SPIDR: variants seen among roughly 807,000 people sequenced by gnomAD.
The protein encoded by SPIDR is DNA repair-scaffolding protein.
Under a neutral mutation model 104.6 loss-of-function variants are expected in SPIDR, and 93 were observed. The observed-to-expected ratio is 0.89, with a 90% CI of 0.75 to 1.06. The LOEUF is 1.06. Among genes scored for constraint, SPIDR ranks in the 50% least tolerant of loss-of-function variants. The pLI, the probability that SPIDR is intolerant of heterozygous loss-of-function variation, is 0.00. For missense variants in SPIDR, 1,154 were observed against 1,111.2 expected (o/e 1.04, Z -0.55); for synonymous variants, 431 against 416.9 (o/e 1.03, Z -0.41).
intron 2 of SPIDR, among the ~76,000 whole-genome samples, chr8:47,280,944 A>G (rs1480265158): frequency 6.6e-6 from 1 of 151,992 alleles, no homozygotes; most frequent in Non-Finnish European, 1.5e-5. Flanking sequence ...TGAGCATACT[A>G]CTCTTCACAA....
chr8:47,730,781 CCT>C (rs1168880968), intron 19 of SPIDR, among the ~76,000 whole-genome samples: 1 of 152,196 alleles, frequency 6.6e-6, no homozygotes, highest in Non-Finnish European at 1.5e-5. Context: ...CCCCTGCCAC[CCT>C]CTCACCCACT....
In SPIDR at chr8:47,440,341, T is replaced by C. The variant is rs1238423879; in HGVS notation, c.896T>C (p.Leu299Ser). The C allele has an allele frequency of 1.2e-6, 2 of 1,614,088 alleles. No individual in the cohort carries two copies. Among genetic ancestry groups the C allele is most frequent in the Non-Finnish European group, 1.7e-6 (2 of 1,180,028 alleles). The change falls in exon 8 of 20, where the codon TTA becomes TCA. Residue 299 changes from leucine (L) to serine (S), a missense_variant. Coordinates refer to ENST00000297423, the MANE Select transcript of SPIDR (RefSeq NM_001080394.4). ...KTLSGRKSGV[L>S]TVKILELHEE... The stretch of plus-strand genomic sequence containing the variant: ...CTTCTAGGTAGAAAATCTGGTGTAT[T>C]AACTGTGAAAATTTTAGAGCTGCAT...
intron 8 of SPIDR, among the ~76,000 whole-genome samples, chr8:47,579,741 C>A (rs1261434031): frequency 6.6e-6 from 1 of 152,122 alleles, no homozygotes; most frequent in African/African-American, 2.4e-5. Context: ...AACCCAATTT[C>A]ATGCCTTCAT....
At chr8:47,371,200 G>T (rs929364197) in intron 5 of SPIDR, among the ~76,000 whole-genome samples, 2 of 148,254 alleles carry the variant, frequency 1.3e-5, no homozygotes, top group African/African-American at 5.0e-5. Context: ...TGAAACTGTT[G>T]TTTCAATTAC....
At chr8:47,396,773 C>G in intron 6 of SPIDR, 147 bp downstream of exon 6, 1 of 838,450 alleles carries the variant, frequency 1.2e-6, no homozygotes, top group South Asian at 1.9e-5. Context: ...AGTTGAGGGT[C>G]ATGGCTTTAC....
intron 5 of SPIDR, among the ~76,000 whole-genome samples, chr8:47,353,100 A>G (rs1272108728): frequency 2.6e-5 from 4 of 151,916 alleles, no homozygotes; most frequent in African/African-American, 7.3e-5. Context: ...ATATGATACA[A>G]TTTTGTTCAA....
intron 8 of SPIDR, among the ~76,000 whole-genome samples, chr8:47,469,121 G>A (rs1379704862): frequency 6.6e-6 from 1 of 152,184 alleles, no homozygotes; most frequent in Non-Finnish European, 1.5e-5. Flanking sequence ...TTAGAGAAAT[G>A]CAAATCAGAA....
chr8:47,660,742 G>T (rs2073976476), intron 10 of SPIDR, among the ~76,000 whole-genome samples: 1 of 152,172 alleles, frequency 6.6e-6, no homozygotes, highest in South Asian at 2.1e-4. Flanking sequence ...ATGTGAAATG[G>T]TATACCCTGT....
intron 8 of SPIDR, among the ~76,000 whole-genome samples, chr8:47,465,215 G>A (rs1231371290): frequency 1.3e-5 from 2 of 152,186 alleles, no homozygotes; most frequent in Non-Finnish European, 2.9e-5. Context: ...AGCTTCTGAG[G>A]CAAGCACTAA....
chr8:47,509,006 G>A (rs1564181201), intron 8 of SPIDR, among the ~76,000 whole-genome samples: 1 of 152,180 alleles, frequency 6.6e-6, no homozygotes, highest in Non-Finnish European at 1.5e-5. Context: ...CCTTCAGTGA[G>A]AGGCTGTTGG....
chr8:47,575,165 T>C (rs1172950873), intron 8 of SPIDR, among the ~76,000 whole-genome samples: 2 of 152,166 alleles, frequency 1.3e-5, no homozygotes, highest in Non-Finnish European at 2.9e-5. Flanking sequence ...CCTGCTTGTC[T>C]TGGGAATTGC....
intron 5 of SPIDR, among the ~76,000 whole-genome samples, chr8:47,335,738 C>T (rs1554608500): frequency 1.3e-5 from 2 of 152,180 alleles, no homozygotes; most frequent in Non-Finnish European, 2.9e-5. Flanking sequence ...CGTGAGCCAC[C>T]ATGCCCAGGC....
At chr8:47,387,871 C>T (rs1563813921) in intron 5 of SPIDR, among the ~76,000 whole-genome samples, 1 of 152,190 alleles carries the variant, frequency 6.6e-6, no homozygotes. Flanking sequence ...TTTCTGCTTT[C>T]TTCAGTGATA....
At chr8:47,419,488 G>A (rs540264420) in intron 7 of SPIDR, among the ~76,000 whole-genome samples, 72 of 152,034 alleles carry the variant, frequency 4.7e-4, no homozygotes, top group Admixed American at 9.8e-4. Context: ...TTTTTATTGC[G>A]TCTATTTGAT....
chr8:47,533,329 G>A (rs763247376), intron 8 of SPIDR, among the ~76,000 whole-genome samples: 6 of 152,122 alleles, frequency 3.9e-5, no homozygotes, highest in Non-Finnish European at 5.9e-5. Flanking sequence ...AACCCTGGAA[G>A]ACAACTTAGG....
At chr8:47,672,123 A>G (rs2075879469) in intron 10 of SPIDR, among the ~76,000 whole-genome samples, 1 of 152,126 alleles carries the variant, frequency 6.6e-6, no homozygotes, top group African/African-American at 2.4e-5. Flanking sequence ...ATACCCAGCT[A>G]AATTTTTTAA....
rs1332108640 is a variant in SPIDR, at chr8:47,720,851, TG to T, written c.2342-6347del. Among the ~76,000 whole-genome samples, 11 of 152,080 alleles carry T rather than the reference TG, an allele frequency of 7.2e-5. No homozygotes were observed. In the South Asian group the frequency reaches 1.9e-3, roughly 26 times the overall value. ...TGGCTCACTGCAACTTCCACCCCGC[TG>T]GTTCAAGCAATTCTCCTCCCTTATC... On this transcript the variant is annotated intron_variant, in intron 16 of 19. Transcript: ENST00000297423.
chr8:47,389,647 C>G (rs1226255390), intron 5 of SPIDR, among the ~76,000 whole-genome samples: 2 of 144,228 alleles, frequency 1.4e-5, no homozygotes, highest in African/African-American at 5.5e-5. Flanking sequence ...TGAGATGGTG[C>G]CACTGCATTC....
chr8:47,629,811 A>G lies in SPIDR; in HGVS notation c.1544+30615A>G, dbSNP rs1230295977. On this transcript the variant is annotated intron_variant, in intron 10 of 19. Coordinates refer to ENST00000297423, the MANE Select transcript of SPIDR (RefSeq NM_001080394.4). The stretch of plus-strand genomic sequence containing the variant: ...ACAGGCAAAATTTGGCCCACAGGCC[A>G]TAATTTGCCAACCTCTAATCTATAT... 4.6e-5 allele frequency among the ~76,000 whole-genome samples: 7 copies of G among 152,390 alleles called. No homozygotes were observed. In the East Asian group the frequency reaches 1.2e-3, roughly 25 times the overall value.
Sources: gnomAD v4.1 joint callset for allele counts (sites outside exome capture counted in the v4.1 genomes callset) on GRCh38, gnomAD v4.1.1 for gene constraint, MANE v1.5 for transcripts, NCBI Gene and HGNC (gene_info 2026-07-23, HGNC 2026-07-21) for gene names.